The following TUBGCP2 variants were observed in gnomAD, a reference collection of about 807,000 sequenced individuals.
TUBGCP2 encodes tubulin gamma complex component 2.
TUBGCP2 carries 55 observed loss-of-function variants against 92.2 expected under a neutral mutation model. That is an observed-to-expected ratio of 0.60 (90% CI 0.48 to 0.75). TUBGCP2 has a LOEUF of 0.75. Ranked by LOEUF, TUBGCP2 falls within the 30% of genes least tolerant of loss-of-function variation. TUBGCP2 has a pLI of 0.00. For synonymous variants in TUBGCP2, 533 were observed against 505.2 expected, an observed-to-expected ratio of 1.06 and a Z score of -0.74; for missense variants, 1,093 against 1,188.9, an observed-to-expected ratio of 0.92 and a Z score of 1.19.
At chr10:133,290,874 A>G (rs899402684) in intron 8 of TUBGCP2, 1 of 152,784 alleles carries the variant, frequency 6.5e-6, no homozygotes, top group African/African-American at 2.4e-5. Flanking sequence ...TATTTGGTCC[A>G]TTAGTAAAGA....
At chr10:133,310,127 C>T (rs1450872805), upstream of TUBGCP2, 1 of 1,612,690 alleles carries the variant, frequency 6.2e-7, no homozygotes. Context: ...GGGGGAGGGC[C>T]AGGGGTCAGA....
At chr10:133,308,928 G>T, upstream of TUBGCP2, 1 of 1,217,850 alleles carries the variant, frequency 8.2e-7, no homozygotes, top group Non-Finnish European at 1.0e-6. Flanking sequence ...GGCTGCGCCC[G>T]CCCGCGCCCG....
chr10:133,287,186 C>A (rs962029432), intron 11 of TUBGCP2, among the ~76,000 whole-genome samples: 1 of 152,180 alleles, frequency 6.6e-6, no homozygotes, highest in African/African-American at 2.4e-5. Context: ...AGACAAGATG[C>A]GAGACAGACA....
At chr10:133,310,368 T>C (rs1342262669), upstream of TUBGCP2, 6 of 1,568,794 alleles carry the variant, frequency 3.8e-6, no homozygotes, top group African/African-American at 1.4e-5. Flanking sequence ...GCATAGACGG[T>C]CAGACTTATT....
At chr10:133,302,649 A>G (rs1299930243) in intron 2 of TUBGCP2, 143 bp downstream of exon 2, 18 of 1,015,126 alleles carry the variant, frequency 1.8e-5, no homozygotes, top group Non-Finnish European at 2.6e-5. Flanking sequence ...ACCCTCACCC[A>G]GGAATGGTGC....
At position 133,302,594 on chromosome 10, in the gene TUBGCP2, A is replaced by T. The variant is rs1847696910; in HGVS notation, c.150+198T>A. 2.8e-5 allele frequency: 17 copies of T among 599,910 alleles called. No individual in the cohort carries two copies. In the South Asian group the frequency reaches 3.4e-4, roughly 12 times the overall value. The allele number at this position is 599,910 out of a possible 1,614,324, so 37.2% of individuals were successfully genotyped here. A position where few individuals can be genotyped will look rare whatever the true frequency, so the allele number is the denominator to read the frequency against. On this transcript the variant is annotated intron_variant, in intron 2 of 17. Coordinates refer to ENST00000252936, the MANE Select transcript of TUBGCP2 (RefSeq NM_006659.4). ...CACCCTGCACCATCCTGATCCAGGAACAGTGTTCATCCTGCACCCTGACCC... is the reference window on the plus strand; with the variant it reads ...CACCCTGCACCATCCTGATCCAGGATCAGTGTTCATCCTGCACCCTGACCC...
intron 13 of TUBGCP2, among the ~76,000 whole-genome samples, chr10:133,284,744 C>T (rs1372535291): frequency 3.3e-5 from 5 of 152,284 alleles, no homozygotes; most frequent in Admixed American, 2.6e-4. Flanking sequence ...ACCTCTGGTC[C>T]CAGCAAGATG....
intron 5 of TUBGCP2, among the ~76,000 whole-genome samples, chr10:133,294,614 T>C (rs559558019): frequency 6.6e-6 from 1 of 152,154 alleles, no homozygotes; most frequent in South Asian, 2.1e-4. Flanking sequence ...CTTGTTTTTT[T>C]TTTTTCCTTT....
chr10:133,304,225 G>A (rs1847752063), intron 1 of TUBGCP2, among the ~76,000 whole-genome samples: 1 of 152,180 alleles, frequency 6.6e-6, no homozygotes, highest in African/African-American at 2.4e-5. Flanking sequence ...TAGCTACTCG[G>A]GAGGCTGAGG....
intron 8 of TUBGCP2, chr10:133,291,127 G>GTCCC (rs1847276055): frequency 3.0e-6 from 1 of 335,610 alleles, no homozygotes; most frequent in Admixed American, 4.5e-5. Flanking sequence ...AAGCAGCTGG[G>GTCCC]CCATTCCTGC....
At chr10:133,289,788 G>A (rs1305761363) in intron 9 of TUBGCP2, 36 bp downstream of exon 9, 6 of 1,611,616 alleles carry the variant, frequency 3.7e-6, no homozygotes, top group South Asian at 1.1e-5. Context: ...GCAGAGCTGT[G>A]CTGCGCACCC....
chr10:133,292,759 G>A, intron 7 of TUBGCP2, 71 bp from the exon 8 acceptor site: 1 of 1,522,114 alleles, frequency 6.6e-7, no homozygotes, highest in Admixed American at 2.0e-5. Flanking sequence ...AACACTGCTG[G>A]GGCCCCTCAT....
upstream of TUBGCP2, among the ~76,000 whole-genome samples, chr10:133,311,123 T>C (rs1195430870): frequency 6.6e-6 from 1 of 152,224 alleles, no homozygotes; most frequent in Admixed American, 6.5e-5. Context: ...TAAATTGTGT[T>C]ATATTTCTTC....
At chr10:133,300,759 C>A (rs1454960490) in intron 2 of TUBGCP2, among the ~76,000 whole-genome samples, 1 of 152,252 alleles carries the variant, frequency 6.6e-6, no homozygotes. Context: ...CAGGTGTGAG[C>A]CCCTGCGCCC....
At chr10:133,286,695 C>CT (rs781686079) in intron 11 of TUBGCP2, among the ~76,000 whole-genome samples, 22 of 151,650 alleles carry the variant, frequency 1.5e-4, no homozygotes, top group Non-Finnish European at 3.1e-4. Context: ...CACAAAAAGT[C>CT]TGTTCTCTAA....
chr10:133,308,952 G>T (rs927776215), upstream of TUBGCP2: 14 of 1,233,598 alleles, frequency 1.1e-5, no homozygotes, highest in Admixed American at 1.7e-4. Flanking sequence ...TGATGCAGTT[G>T]CCCCCCGCGC....
At chr10:133,302,482 C>T (rs1160384827) in intron 2 of TUBGCP2, 1 of 382,520 alleles carries the variant, frequency 2.6e-6, no homozygotes, top group Non-Finnish European at 4.9e-6. Flanking sequence ...GTGGCGCTCA[C>T]CCTGCACCCT....
chr10:133,309,245 G>T, upstream of TUBGCP2: 1 of 1,336,908 alleles, frequency 7.5e-7, no homozygotes, highest in Non-Finnish European at 1.0e-6. Context: ...GGTGGGGCGG[G>T]GCCGGAACGT....
At chr10:133,301,006 T>C (rs1847637824) in intron 2 of TUBGCP2, among the ~76,000 whole-genome samples, 1 of 152,196 alleles carries the variant, frequency 6.6e-6, no homozygotes. Flanking sequence ...ACTTACCTTT[T>C]CCCCCCAGTA....
Sources: gnomAD v4.1 joint callset for allele counts (sites outside exome capture counted in the v4.1 genomes callset) on GRCh38, gnomAD v4.1.1 for gene constraint, MANE v1.5 for transcripts, NCBI Gene and HGNC (gene_info 2026-07-23, HGNC 2026-07-21) for gene names.